The following CHST15 variants were observed in gnomAD, a reference collection of about 807,000 sequenced individuals.
CHST15 encodes carbohydrate sulfotransferase 15.
In CHST15, 30 loss-of-function variants were observed where a neutral mutation model predicts 53.6. That is an observed-to-expected ratio of 0.56 (90% confidence interval 0.42 to 0.76). The LOEUF (loss-of-function observed/expected upper bound fraction) is 0.76. Ranked by LOEUF, CHST15 falls within the 30% of genes least tolerant of loss-of-function variation. The probability of loss-of-function intolerance (pLI) is 0.00; values close to 1 mark genes in which losing one functional copy is unlikely to be tolerated. For synonymous variants in CHST15, 296 were observed against 289.8 expected, an observed-to-expected ratio of 1.02 and a Z score of -0.22; for missense variants, 627 against 740.5, an observed-to-expected ratio of 0.85 and a Z score of 1.78.
chr10:124,075,671 T>C (rs1157849283), intron 1 of CHST15, among the ~76,000 whole-genome samples: 1 of 152,150 alleles, frequency 6.6e-6, no homozygotes, highest in Admixed American at 6.5e-5. Flanking sequence ...CAAGAAGCCC[T>C]CTTCCAATTT....
At chr10:124,090,840 C>G (rs756263029) in intron 1 of CHST15, among the ~76,000 whole-genome samples, 1 of 152,236 alleles carries the variant, frequency 6.6e-6, no homozygotes, top group Non-Finnish European at 1.5e-5. Context: ...TGCCACCCCC[C>G]TGGACAATAT....
chr10:124,044,632 C>A lies in CHST15; in HGVS notation c.834G>T (p.Glu278Asp), dbSNP rs146440479. The A allele has an allele frequency of 1.3e-6, 2 of 1,595,216 alleles. No homozygotes were observed. The highest frequency in any genetic ancestry group is 8.6e-7 in the Non-Finnish European group (1 of 1,169,344). The change falls in exon 3 of 8, where the codon GAG (glutamate) becomes GAT (aspartate). Residue 278 changes from glutamate to aspartate, a missense_variant. Glu to Asp is a conservative substitution (Grantham distance 45). This residue lies in a region of CHST15 where 161 missense variants were observed against 117.2 expected (regional missense o/e 1.37). Transcript: ENST00000435907. ...GCTCCTTGATGGCGGAGAACTTGACCTCAGGGTGCAGCCGCAGGCGGTCAT... is the reference window on the plus strand; with the variant it reads ...GCTCCTTGATGGCGGAGAACTTGACATCAGGGTGCAGCCGCAGGCGGTCAT... Reference protein sequence around the residue: ...DLYDRLRLHPEVKFSAIKEPH... With the variant: ...DLYDRLRLHPDVKFSAIKEPH...
chr10:124,031,291 G>A (rs570978548), intron 5 of CHST15, among the ~76,000 whole-genome samples: 7 of 152,328 alleles, frequency 4.6e-5, no homozygotes, highest in African/African-American at 1.7e-4. Flanking sequence ...AGCACATCAA[G>A]GGTGTTCAAT....
chr10:124,023,362 T>C (rs904312432), intron 5 of CHST15, among the ~76,000 whole-genome samples: 1 of 151,834 alleles, frequency 6.6e-6, no homozygotes, highest in Non-Finnish European at 1.5e-5. Context: ...GGTGCGTGCC[T>C]GTAGTCCAGC....
intron 6 of CHST15, among the ~76,000 whole-genome samples, chr10:124,016,970 G>A (rs568198010): frequency 3.2e-4 from 48 of 152,240 alleles, no homozygotes; most frequent in African/African-American, 1.1e-3. Flanking sequence ...GTGCTGACCC[G>A]CAGCAGGAGG....
At chr10:124,025,806 G>A (rs928760038) in intron 5 of CHST15, among the ~76,000 whole-genome samples, 4 of 152,162 alleles carry the variant, frequency 2.6e-5, no homozygotes, top group Non-Finnish European at 2.9e-5. Flanking sequence ...GACGGAGACA[G>A]AGCCTGGAGT....
At chr10:124,010,363 C>A (rs369408247) in intron 7 of CHST15, 24 bp from the exon 8 acceptor site, 1 of 1,538,866 alleles carries the variant, frequency 6.5e-7, no homozygotes, top group African/African-American at 1.4e-5. Flanking sequence ...AGACGAGTCC[C>A]GTAAGGCAGG....
chr10:124,078,876 TG>T (rs1156866497), intron 1 of CHST15, among the ~76,000 whole-genome samples: 5 of 152,236 alleles, frequency 3.3e-5, no homozygotes, highest in Non-Finnish European at 7.3e-5. Context: ...GTTCTCCCTG[TG>T]GGAAGCTGAG....
intron 7 of CHST15, 46 bp from the exon 8 acceptor site, chr10:124,010,385 G>A (rs1428079001): frequency 6.7e-6 from 10 of 1,492,258 alleles, no homozygotes; most frequent in Non-Finnish European, 8.9e-6. Context: ...GGCATGGCAG[G>A]AAGTAAAAGG....
Position 124,036,321 on chromosome 10 carries a change from G to A in CHST15, c.1190+2194C>T, listed in dbSNP as rs565077352. 2.0e-4 allele frequency among the ~76,000 whole-genome samples: 30 copies of A among 152,346 alleles called. No homozygotes were observed. The East Asian group carries it at 5.6e-3, about 28-fold the overall frequency. On this transcript the variant is annotated intron_variant, in intron 5 of 7. Transcript: ENST00000435907. The surrounding 1 kb of genome is among the most constrained non-coding windows in gnomAD (Gnocchi z 5.1). ...ACACGGGAACCAGCAGGTGGGACAT[G>A]GCAAGGGACGGCAAGTCAGTGCCTG...
chr10:124,023,846 G>GT (rs35613050), intron 5 of CHST15, among the ~76,000 whole-genome samples: 446 of 143,208 alleles, frequency 3.1e-3, no homozygotes, highest in African/African-American at 5.0e-3. Flanking sequence ...TTCCGTCTTC[G>GT]TTTTTTTTTT....
intron 1 of CHST15, among the ~76,000 whole-genome samples, chr10:124,080,739 C>T (rs764963721): frequency 1.1e-4 from 17 of 152,210 alleles, no homozygotes; most frequent in Non-Finnish European, 2.4e-4. Context: ...TGCAGGCCTC[C>T]GTTTCCCCAG....
intron 1 of CHST15, among the ~76,000 whole-genome samples, chr10:124,081,761 G>A (rs937962554): frequency 6.6e-6 from 1 of 152,156 alleles, no homozygotes; most frequent in East Asian, 1.9e-4. Flanking sequence ...ACACCCCCAG[G>A]CCATGCAAGA....
rs115088081 is a variant in CHST15 at position 124,044,080 on chromosome 10, G to A, written c.886+500C>T. The stretch of plus-strand genomic sequence containing the variant: ...CAGAGCAGGGGAACAACACAGAGCA[G>A]GGAGCGGCACAGAGCAGGGAACGGC... On this transcript the variant is annotated intron_variant, in intron 3 of 7. Transcript: ENST00000435907. Among the ~76,000 whole-genome samples the A allele has an allele frequency of 6.3e-3, 953 of 151,626 alleles. 8 individuals are homozygous for A. Among genetic ancestry groups the A allele is most frequent in the African/African-American group, 0.022 (914 of 41,272 alleles).
Position 124,024,046 on chromosome 10 carries a change from T to A in CHST15, c.1191-2634A>T, listed in dbSNP as rs1946898441. Among the ~76,000 whole-genome samples, 1 of 152,168 alleles carries A rather than the reference T, an allele frequency of 6.6e-6. No individual in the cohort carries two copies. Among genetic ancestry groups the A allele is most frequent in the African/African-American group, 2.4e-5 (1 of 41,442 alleles). On this transcript the variant is annotated intron_variant, in intron 5 of 7. Coordinates refer to ENST00000435907, the MANE Select transcript of CHST15 (RefSeq NM_001270764.2). The surrounding 1 kb of genome is among the most constrained non-coding windows in gnomAD (Gnocchi z 4.0). ...TTTTAGTAGGGACAGGGTTTCACTGTGTTGGCCAGGCTGGTCTCGAACTCC... is the reference window on the plus strand; with the variant it reads ...TTTTAGTAGGGACAGGGTTTCACTGAGTTGGCCAGGCTGGTCTCGAACTCC...
chr10:124,086,788 A>G lies in CHST15; in HGVS notation c.-513+6681T>C, dbSNP rs1949444000. 2.0e-5 allele frequency among the ~76,000 whole-genome samples: 3 copies of G among 152,194 alleles called. No individual in the cohort carries two copies. In the South Asian group the frequency reaches 6.2e-4, roughly 32 times the overall value. ...ACTATTTCAAATACTCAAGCCACCC[A>G]ACCAGGTAGAGATCATTAACCCCAT... On this transcript the variant is annotated intron_variant, in intron 1 of 7. Coordinates refer to ENST00000435907, the MANE Select transcript of CHST15 (RefSeq NM_001270764.2).
At chr10:124,067,802 AG>A (rs1564903950) in intron 1 of CHST15, among the ~76,000 whole-genome samples, 1 of 152,086 alleles carries the variant, frequency 6.6e-6, no homozygotes, top group Non-Finnish European at 1.5e-5. Flanking sequence ...TTTTTAGTAG[AG>A]ACGGGGTTTC....
intron 1 of CHST15, among the ~76,000 whole-genome samples, chr10:124,085,284 C>T (rs985647152): frequency 3.3e-5 from 5 of 152,248 alleles, no homozygotes; most frequent in African/African-American, 1.2e-4. Flanking sequence ...CCACATTTCT[C>T]GCCTGAGTAG....
At chr10:124,079,782 C>T (rs550262308) in intron 1 of CHST15, among the ~76,000 whole-genome samples, 20 of 152,294 alleles carry the variant, frequency 1.3e-4, no homozygotes, top group South Asian at 4.1e-4. Flanking sequence ...CAGCCAGGGC[C>T]GGAAAGCAAT....
Sources: gnomAD v4.1 joint callset for allele counts (sites outside exome capture counted in the v4.1 genomes callset) on GRCh38, gnomAD v4.1.1 for gene constraint, gnomAD v4.1.1 regional missense constraint, Gnocchi (gnomAD v3.1) non-coding constraint, MANE v1.5 for transcripts, NCBI Gene and HGNC (gene_info 2026-07-23, HGNC 2026-07-21) for gene names.